The following DNAI1 variants were observed in gnomAD, a reference collection of about 807,000 sequenced individuals.
DNAI1 encodes dynein axonemal intermediate chain 1, also known as dynein, axonemal, intermediate polypeptide 1.
Under a neutral mutation model 92.0 loss-of-function variants are expected in DNAI1, and 67 were observed. The ratio of observed to expected loss-of-function variants is 0.73; its 90% CI spans 0.60 to 0.89. DNAI1 has a LOEUF of 0.89. DNAI1 is among the 40% of genes least tolerant of loss of function. The pLI is 0.00. For synonymous variants in DNAI1, 323 were observed against 319.6 expected (o/e 1.01, Z -0.11); for missense variants, 839 against 866.6 (o/e 0.97, Z 0.40).
At chr9:34,499,124 A>C (rs116347130) in intron 10 of DNAI1, among the ~76,000 whole-genome samples, 156 of 152,378 alleles carry the variant, frequency 1.0e-3, no homozygotes, top group African/African-American at 3.6e-3. Context: ...AGGAGACATG[A>C]AAATAGAGAA....
chr9:34,510,744 C>T (rs1218732730), intron 13 of DNAI1, among the ~76,000 whole-genome samples: 1 of 152,168 alleles, frequency 6.6e-6, no homozygotes, highest in African/African-American at 2.4e-5. Context: ...TTGCAGCTCC[C>T]TAGCGCCTCT....
intron 1 of DNAI1, among the ~76,000 whole-genome samples, chr9:34,479,611 G>C (rs72735237): frequency 0.05 from 7,559 of 152,228 alleles, 273 homozygotes; most frequent in Non-Finnish European, 0.065. Flanking sequence ...TCTATTTAAG[G>C]CTTGTGGTTT....
At chr9:34,481,892 T>C (rs1002092969) in intron 1 of DNAI1, among the ~76,000 whole-genome samples, 3 of 152,216 alleles carry the variant, frequency 2.0e-5, no homozygotes, top group African/African-American at 7.2e-5. Context: ...GATTCCACAG[T>C]GTGGAAGGGG....
rs1175847164 is a variant in DNAI1 at position 34,490,450 on chromosome 9, A to T, written c.583A>T (p.Ser195Cys). ...ERKLTNQFNFSERASQTYNNP... is the reference protein window; with the variant it reads ...ERKLTNQFNFCERASQTYNNP... The stretch of plus-strand genomic sequence containing the variant: ...AAAGCTCACTAACCAGTTCAACTTC[A>T]GTGAGAGGGCCTCACAGACCTACAA... Residue 195 changes from serine to cysteine, a missense_variant, in exon 7 of 20, where the codon AGT (serine) becomes TGT (cysteine). Transcript: ENST00000242317. The T allele has an allele frequency of 6.2e-7, 1 of 1,614,196 alleles. No homozygotes were observed. Among genetic ancestry groups the T allele is most frequent in the East Asian group, 2.2e-5 (1 of 44,880 alleles).
At chr9:34,502,969 C>A (rs1028405379) in intron 12 of DNAI1, among the ~76,000 whole-genome samples, 3 of 152,158 alleles carry the variant, frequency 2.0e-5, no homozygotes, top group Admixed American at 2.0e-4. Flanking sequence ...ACCACCTACA[C>A]ATAACGGACA....
At chr9:34,489,965 G>T in intron 5 of DNAI1, 47 bp from the exon 6 acceptor site, 1 of 1,606,734 alleles carries the variant, frequency 6.2e-7, no homozygotes, top group South Asian at 1.1e-5. Context: ...GCCACAGATT[G>T]GGAGAGCAGG....
At chr9:34,486,949 CTTCAT>C (rs997735286) in intron 4 of DNAI1, among the ~76,000 whole-genome samples, 90 of 152,340 alleles carry the variant, frequency 5.9e-4, no homozygotes, top group African/African-American at 2.1e-3. Context: ...TGTGTCACTA[CTTCAT>C]TTCTTTTTAT....
Position 34,489,417 on chromosome 9 carries a change from G to A in DNAI1, c.356G>A (p.Arg119Gln), listed in dbSNP as rs141704318. The A allele has an allele frequency of 3.3e-5, 54 of 1,613,842 alleles. No homozygotes were observed. The highest frequency in any genetic ancestry group is 2.9e-4 in the African/African-American group (22 of 74,920). Reference protein sequence around the residue: ...NLIPKDSDEGRRQHYRDELVA... With the variant: ...NLIPKDSDEGQRQHYRDELVA... The stretch of plus-strand genomic sequence containing the variant: ...ATCCCCAAAGACTCAGATGAAGGAC[G>A]GCGGCAGCATTACCGCGATGAATTA... Residue 119 changes from arginine (R) to glutamine (Q), a missense_variant, in exon 5 of 20, where the codon CGG becomes CAG. Physicochemically the swap from Arg to Gln is conservative, Grantham distance 43 (BLOSUM62 1). Transcript: ENST00000242317.
chr9:34,469,455 C>T (rs1824100162), intron 1 of DNAI1, among the ~76,000 whole-genome samples: 1 of 150,948 alleles, frequency 6.6e-6, no homozygotes, highest in Non-Finnish European at 1.5e-5. Context: ...TATATAGAGA[C>T]AGGGTCTCAC....
At chr9:34,464,357 C>T (rs1411791707) in intron 1 of DNAI1, among the ~76,000 whole-genome samples, 1 of 152,182 alleles carries the variant, frequency 6.6e-6, no homozygotes, top group Non-Finnish European at 1.5e-5. Context: ...GGCCTGAGAC[C>T]TACCTGGGTC....
At chr9:34,473,686 A>G (rs183215493) in intron 1 of DNAI1, among the ~76,000 whole-genome samples, 1 of 152,066 alleles carries the variant, frequency 6.6e-6, no homozygotes, top group East Asian at 1.9e-4. Flanking sequence ...AGAATACAAT[A>G]TATTGGTTGG....
intron 12 of DNAI1, among the ~76,000 whole-genome samples, chr9:34,502,747 C>T (rs1824856458): frequency 1.3e-5 from 2 of 152,066 alleles, no homozygotes. Flanking sequence ...ATGCTGTTAG[C>T]TACATCCACG....
At chr9:34,464,561 C>A (rs1365692245) in intron 1 of DNAI1, among the ~76,000 whole-genome samples, 1 of 151,684 alleles carries the variant, frequency 6.6e-6, no homozygotes, top group Non-Finnish European at 1.5e-5. Flanking sequence ...TAAGTTTCCT[C>A]TGTTATATAG....
chr9:34,499,848 C>T (rs1468438104), intron 10 of DNAI1, among the ~76,000 whole-genome samples: 2 of 152,090 alleles, frequency 1.3e-5, no homozygotes, highest in East Asian at 3.9e-4. Flanking sequence ...ATCTCCTCTG[C>T]AAGGAGAGCC....
Position 34,506,672 on chromosome 9 carries a change from T to C in DNAI1, c.1109T>C (p.Leu370Pro), listed in dbSNP as rs201677978. 4.9e-5 allele frequency: 79 copies of C among 1,614,182 alleles called. No homozygotes were observed. The Admixed American group carries it at 1.1e-3, about 23-fold the overall frequency. Residue 370 changes from leucine to proline, a missense_variant, in exon 13 of 20, where the codon CTG (leucine) becomes CCG (proline). Coordinates refer to ENST00000242317, the MANE Select transcript of DNAI1 (RefSeq NM_012144.4). ...QSRGMLLLYS[L>P]KNPSFPEYMF... ...CGGGGCATGCTGCTGCTCTACAGCC[T>C]GAAGAACCCCAGCTTCCCTGAGTAC...
chr9:34,512,294 C>T (rs1825080545), intron 14 of DNAI1, 43 bp from the exon 15 acceptor site: 9 of 1,611,902 alleles, frequency 5.6e-6, no homozygotes, highest in Non-Finnish European at 6.8e-6. Flanking sequence ...TCTAGCCCAA[C>T]CCACGTGCCC....
At chr9:34,520,319 G>A (rs181304989) in intron 19 of DNAI1, among the ~76,000 whole-genome samples, 8 of 152,246 alleles carry the variant, frequency 5.3e-5, no homozygotes, top group South Asian at 4.2e-4. Flanking sequence ...TCAGCCCCCC[G>A]CCTTCGCAGA....
At chr9:34,498,076 G>A (rs953738361) in intron 10 of DNAI1, among the ~76,000 whole-genome samples, 6 of 152,184 alleles carry the variant, frequency 3.9e-5, no homozygotes, top group African/African-American at 1.4e-4. Context: ...ATGTGATTGT[G>A]TAGAATATAG....
intron 18 of DNAI1, 130 bp from the exon 19 acceptor site, chr9:34,517,155 C>T (rs1035356909): frequency 4.2e-6 from 4 of 946,726 alleles, no homozygotes; most frequent in Non-Finnish European, 6.5e-6. Context: ...CCCCTCCCTC[C>T]ACCTCCAGCT....
Sources: gnomAD v4.1 joint callset for allele counts (sites outside exome capture counted in the v4.1 genomes callset) on GRCh38, gnomAD v4.1.1 for gene constraint, MANE v1.5 for transcripts, NCBI Gene and HGNC (gene_info 2026-07-23, HGNC 2026-07-21) for gene names.